SRPK2: variants seen among roughly 807,000 people sequenced by gnomAD.
The protein encoded by SRPK2 is SFRS protein kinase 2.
A neutral mutation model predicts 90.8 loss-of-function variants in SRPK2; 21 were observed. That is an observed-to-expected ratio of 0.23 (90% CI 0.16 to 0.33). The LOEUF is 0.33. SRPK2 is among the 10% of genes least tolerant of loss of function. SRPK2 has a pLI of 1.00. For missense variants in SRPK2, 620 were observed against 869.0 expected (o/e 0.71, Z 3.60); for synonymous variants, 288 against 311.1 (o/e 0.93, Z 0.78).
At chr7:105,176,237 C>T (rs1052833064) in intron 3 of SRPK2, among the ~76,000 whole-genome samples, 2 of 152,054 alleles carry the variant, frequency 1.3e-5, no homozygotes, top group Non-Finnish European at 2.9e-5. Flanking sequence ...ATATGATGAG[C>T]ACATCAGACA....
At chr7:105,204,993 C>T (rs1245761866) in intron 2 of SRPK2, 2 of 266,290 alleles carry the variant, frequency 7.5e-6, no homozygotes, top group African/African-American at 4.5e-5. Flanking sequence ...GGCATACAGT[C>T]AAAGCTCACT....
intron 2 of SRPK2, 123 bp downstream of exon 2, chr7:105,388,525 C>T (rs1325078113): frequency 4.1e-6 from 3 of 723,126 alleles, no homozygotes; most frequent in African/African-American, 1.9e-5. Flanking sequence ...AGCCGAGCGC[C>T]AGCGTCCCGG....
intron 2 of SRPK2, among the ~76,000 whole-genome samples, chr7:105,334,370 G>A (rs531471204): frequency 3.3e-5 from 5 of 152,226 alleles, no homozygotes; most frequent in African/African-American, 7.2e-5. Flanking sequence ...GAGCCACCAC[G>A]CCCGGCCAAT....
intron 2 of SRPK2, among the ~76,000 whole-genome samples, chr7:105,233,402 C>A (rs1216695819): frequency 2.6e-5 from 4 of 152,176 alleles, no homozygotes; most frequent in Non-Finnish European, 5.9e-5. Context: ...AAGAACCCAG[C>A]AGACCAACTA....
intron 2 of SRPK2, among the ~76,000 whole-genome samples, chr7:105,326,347 G>A (rs1813593629): frequency 2.6e-5 from 4 of 152,188 alleles, no homozygotes; most frequent in South Asian, 2.1e-4. Context: ...AGAAAGCTGC[G>A]GAAAGGCATA....
intron 13 of SRPK2, among the ~76,000 whole-genome samples, chr7:105,129,682 AATCTTTATTATTATTTT>A (rs1801727033): frequency 3.3e-5 from 5 of 152,008 alleles, no homozygotes; most frequent in Non-Finnish European, 7.4e-5. Flanking sequence ...GCCTAAGTAT[AATCTTTATTATTATTTT>A]TAATACCTGG....
intron 2 of SRPK2, among the ~76,000 whole-genome samples, chr7:105,311,082 G>T (rs1811653229): frequency 6.6e-6 from 1 of 151,784 alleles, no homozygotes; most frequent in East Asian, 1.9e-4. Flanking sequence ...GGGCATCAAA[G>T]GACATTACCA....
chr7:105,378,096 C>G (rs1820519217), intron 2 of SRPK2, among the ~76,000 whole-genome samples: 1 of 152,082 alleles, frequency 6.6e-6, no homozygotes, highest in Admixed American at 6.6e-5. Flanking sequence ...TCCAGCCCTA[C>G]TAACCTGCTT....
At chr7:105,314,878 C>A (rs934770943) in intron 2 of SRPK2, among the ~76,000 whole-genome samples, 1 of 152,156 alleles carries the variant, frequency 6.6e-6, no homozygotes, top group Non-Finnish European at 1.5e-5. Context: ...ATCATTCTTA[C>A]AAAGTATATG....
intron 2 of SRPK2, among the ~76,000 whole-genome samples, chr7:105,387,915 G>A (rs573446286): frequency 3.0e-4 from 46 of 152,282 alleles, no homozygotes; most frequent in African/African-American, 1.1e-3. Context: ...TGGCCGCCAC[G>A]GGCGCGTTTT....
chr7:105,296,232 A>G (rs1214935935), intron 2 of SRPK2, among the ~76,000 whole-genome samples: 1 of 152,240 alleles, frequency 6.6e-6, no homozygotes, highest in Non-Finnish European at 1.5e-5. Flanking sequence ...TTTTCTCTAT[A>G]AAAGACACAC....
intron 2 of SRPK2, among the ~76,000 whole-genome samples, chr7:105,374,147 A>C (rs373535947): frequency 6.6e-6 from 1 of 151,562 alleles, no homozygotes; most frequent in East Asian, 2.0e-4. Flanking sequence ...GGCTGGTCTC[A>C]AACTCCTCAC....
At chr7:105,224,060 A>G (rs1798421598) in intron 2 of SRPK2, among the ~76,000 whole-genome samples, 1 of 152,194 alleles carries the variant, frequency 6.6e-6, no homozygotes, top group African/African-American at 2.4e-5. Flanking sequence ...ATGGATAACC[A>G]ATTGTTCCAG....
intron 2 of SRPK2, among the ~76,000 whole-genome samples, chr7:105,273,102 C>G (rs947900378): frequency 4.0e-5 from 6 of 151,820 alleles, no homozygotes; most frequent in Non-Finnish European, 7.4e-5. Flanking sequence ...GTAGTCCCAG[C>G]TACTCAGGAG....
intron 2 of SRPK2, among the ~76,000 whole-genome samples, chr7:105,316,493 GGGAGCC>G (rs1207960619): frequency 6.6e-6 from 1 of 152,064 alleles, no homozygotes; most frequent in East Asian, 1.9e-4. Flanking sequence ...CTAAAAACCA[GGGAGCC>G]CACCAGATAA....
intron 3 of SRPK2, among the ~76,000 whole-genome samples, chr7:105,180,321 G>A (rs1023468351): frequency 6.6e-6 from 1 of 152,192 alleles, no homozygotes; most frequent in African/African-American, 2.4e-5. Flanking sequence ...AACAAGCAAT[G>A]GGGAATGGAC....
At chr7:105,307,137 T>C (rs764139573) in intron 2 of SRPK2, among the ~76,000 whole-genome samples, 1 of 152,168 alleles carries the variant, frequency 6.6e-6, no homozygotes, top group Non-Finnish European at 1.5e-5. Flanking sequence ...GAGACTTAAT[T>C]ATGACTTTTC....
chr7:105,222,784 G>GT (rs1225797996), intron 2 of SRPK2, among the ~76,000 whole-genome samples: 1 of 152,078 alleles, frequency 6.6e-6, no homozygotes, highest in Non-Finnish European at 1.5e-5. Context: ...AAAGTTCTGT[G>GT]TTTGTTTCAT....
chr7:105,262,143 A>G (rs921382466), intron 2 of SRPK2, among the ~76,000 whole-genome samples: 10 of 152,236 alleles, frequency 6.6e-5, no homozygotes, highest in African/African-American at 1.9e-4. Context: ...GAGAAGCATC[A>G]GTAAACAGAC....
Sources: gnomAD v4.1 joint callset for allele counts (sites outside exome capture counted in the v4.1 genomes callset) on GRCh38, gnomAD v4.1.1 for gene constraint, MANE v1.5 for transcripts, NCBI Gene and HGNC (gene_info 2026-07-23, HGNC 2026-07-21) for gene names.